CPNE4: variants seen among roughly 807,000 people sequenced by gnomAD.
The protein encoded by CPNE4 is copine 4.
A neutral mutation model predicts 67.9 loss-of-function variants in CPNE4; 25 were observed. The ratio of observed to expected loss-of-function variants is 0.37; its 90% confidence interval spans 0.27 to 0.51. CPNE4 has a LOEUF of 0.51. Ranked by LOEUF, CPNE4 falls within the 20% of genes least tolerant of loss-of-function variation. The probability of loss-of-function intolerance (pLI) is 0.93; values close to 1 mark genes in which losing one functional copy is unlikely to be tolerated. For synonymous variants in CPNE4, 242 were observed against 244.9 expected (o/e 0.99, Z 0.11); for missense variants, 464 against 690.8 (o/e 0.67, Z 3.68).
intron 2 of CPNE4, among the ~76,000 whole-genome samples, chr3:131,829,231 C>A (rs1405834594): frequency 2.6e-5 from 4 of 152,326 alleles, no homozygotes; most frequent in Admixed American, 2.0e-4. Context: ...CTGGGAGATA[C>A]AATTCAGGAT....
At chr3:131,542,820 G>A in intron 14 of CPNE4, 27 bp from the exon 15 acceptor site, 1 of 1,142,394 alleles carries the variant, frequency 8.8e-7, no homozygotes, top group Non-Finnish European at 1.2e-6. Context: ...CATGATGATG[G>A]GGGGGGGTGA....
intron 2 of CPNE4, among the ~76,000 whole-genome samples, chr3:131,815,237 G>A (rs1423455016): frequency 6.6e-6 from 1 of 152,142 alleles, no homozygotes; most frequent in Non-Finnish European, 1.5e-5. Flanking sequence ...ATTAGGTTCT[G>A]AGATCAAAAA....
At chr3:131,639,179 A>C (rs915513874) in intron 7 of CPNE4, among the ~76,000 whole-genome samples, 1 of 152,140 alleles carries the variant, frequency 6.6e-6, no homozygotes, top group Non-Finnish European at 1.5e-5. Flanking sequence ...CAACTAAATA[A>C]AACTAAAACA....
chr3:131,972,637 A>G (rs1222261873), intron 1 of CPNE4, among the ~76,000 whole-genome samples: 1 of 152,198 alleles, frequency 6.6e-6, no homozygotes, highest in Non-Finnish European at 1.5e-5. Flanking sequence ...AACAGGACCT[A>G]GTTGAAGACA....
intron 7 of CPNE4, among the ~76,000 whole-genome samples, chr3:131,655,716 G>A (rs2079940607): frequency 6.6e-6 from 1 of 152,124 alleles, no homozygotes; most frequent in Admixed American, 6.5e-5. Context: ...TCCAAAGGAT[G>A]CTCTTTCTTT....
At chr3:131,906,606 T>C (rs1351923012) in intron 1 of CPNE4, among the ~76,000 whole-genome samples, 1 of 152,034 alleles carries the variant, frequency 6.6e-6, no homozygotes, top group African/African-American at 2.4e-5. Context: ...GGCTGCATAG[T>C]ATTCCATGGT....
chr3:131,914,674 G>A (rs372736872), intron 1 of CPNE4, among the ~76,000 whole-genome samples: 9 of 152,168 alleles, frequency 5.9e-5, no homozygotes, highest in Admixed American at 2.0e-4. Flanking sequence ...TCTATAATTC[G>A]TTTAAAAATA....
At chr3:131,707,754 AC>A (rs2081449684) in intron 3 of CPNE4, among the ~76,000 whole-genome samples, 1 of 152,144 alleles carries the variant, frequency 6.6e-6, no homozygotes, top group Non-Finnish European at 1.5e-5. Flanking sequence ...CAATGAACTT[AC>A]CATTGAGGAG....
chr3:131,877,150 A>C (rs35436793), intron 2 of CPNE4, among the ~76,000 whole-genome samples: 6,992 of 152,182 alleles, frequency 0.046, 224 homozygotes, highest in Non-Finnish European at 0.071. Context: ...GGCCATTGAG[A>C]TATAAGCAGA....
At chr3:131,908,762 T>C (rs189736206) in intron 1 of CPNE4, among the ~76,000 whole-genome samples, 1 of 152,158 alleles carries the variant, frequency 6.6e-6, no homozygotes. Flanking sequence ...GCAAAAAGAC[T>C]CTGTCAAGGA....
chr3:132,004,422 G>A (rs574550603), intron 1 of CPNE4, among the ~76,000 whole-genome samples: 40 of 152,112 alleles, frequency 2.6e-4, no homozygotes, highest in South Asian at 4.2e-4. Context: ...ATGTACATGT[G>A]GAGAGACAGA....
chr3:131,919,577 C>G (rs2070684999), intron 1 of CPNE4, among the ~76,000 whole-genome samples: 1 of 152,144 alleles, frequency 6.6e-6, no homozygotes, highest in South Asian at 2.1e-4. Context: ...TTCTGGAGTG[C>G]AGAAATAAAC....
chr3:131,915,505 C>A (rs2089150376), intron 1 of CPNE4, among the ~76,000 whole-genome samples: 2 of 152,130 alleles, frequency 1.3e-5, no homozygotes, highest in South Asian at 4.2e-4. Flanking sequence ...GCTACAACAC[C>A]CAGCAAACAC....
At chr3:131,701,636 C>T (rs1158940682) in intron 3 of CPNE4, among the ~76,000 whole-genome samples, 1 of 152,154 alleles carries the variant, frequency 6.6e-6, no homozygotes, top group Non-Finnish European at 1.5e-5. Context: ...AAGTCTCTGG[C>T]TAACAGCCAG....
chr3:131,618,587 GGAAA>G (rs1428499839), intron 7 of CPNE4, among the ~76,000 whole-genome samples: 1 of 152,094 alleles, frequency 6.6e-6, no homozygotes, highest in Non-Finnish European at 1.5e-5. Flanking sequence ...GGATATTTAT[GGAAA>G]GAAAGTACAG....
intron 1 of CPNE4, among the ~76,000 whole-genome samples, chr3:131,960,547 T>G (rs2072136333): frequency 6.6e-6 from 1 of 152,214 alleles, no homozygotes; most frequent in Admixed American, 6.5e-5. Flanking sequence ...ATATAGAGCC[T>G]GTTACAAGAT....
intron 7 of CPNE4, among the ~76,000 whole-genome samples, chr3:131,626,567 T>C (rs2079079325): frequency 6.6e-6 from 1 of 152,194 alleles, no homozygotes; most frequent in African/African-American, 2.4e-5. Context: ...AGTTTGAAGC[T>C]AGCAGAATTT....
chr3:131,801,414 A>ATGTGTGTATGTG (rs1560344419), intron 2 of CPNE4, among the ~76,000 whole-genome samples: 1 of 20,008 alleles, frequency 5.0e-5, no homozygotes, highest in African/African-American at 1.4e-4. Flanking sequence ...GTACATATAT[A>ATGTGTGTATGTG]CGTGTGTGTG....
chr3:131,881,039 C>T (rs2087656310), intron 2 of CPNE4, among the ~76,000 whole-genome samples: 1 of 152,114 alleles, frequency 6.6e-6, no homozygotes, highest in East Asian at 1.9e-4. Context: ...CACAGCTGAG[C>T]TTTAGTGTTT....
Sources: allele counts gnomAD v4.1 joint callset (sites outside exome capture counted in the v4.1 genomes callset), GRCh38; gene constraint gnomAD v4.1.1; transcripts MANE v1.5; gene names NCBI Gene and HGNC (gene_info 2026-07-23, HGNC 2026-07-21).